HLTF: variants seen among roughly 807,000 people sequenced by gnomAD.
HLTF encodes helicase like transcription factor.
Under a neutral mutation model 129.4 loss-of-function variants are expected in HLTF, and 127 were observed. That is an observed-to-expected ratio of 0.98 (90% confidence interval 0.85 to 1.14). HLTF has a LOEUF of 1.14. Among genes scored for constraint, HLTF ranks in the 50% most tolerant of loss-of-function variants. The pLI, the probability that HLTF is intolerant of heterozygous loss-of-function variation, is 0.00. For synonymous variants in HLTF, 332 were observed against 388.8 expected (o/e 0.85, Z 1.72); for missense variants, 1,139 against 1,187.1 (o/e 0.96, Z 0.60).
chr3:149,065,752 C>T (rs992914597), intron 8 of HLTF, among the ~76,000 whole-genome samples: 1 of 152,126 alleles, frequency 6.6e-6, no homozygotes, highest in Non-Finnish European at 1.5e-5. Flanking sequence ...ATTGCTTGAA[C>T]TGAGGAGGTG....
intron 14 of HLTF, chr3:149,051,953 A>T (rs1717035212): frequency 6.6e-6 from 1 of 152,176 alleles, no homozygotes; most frequent in Admixed American, 6.6e-5. Flanking sequence ...CAGGAGTTCG[A>T]GACCAGCCTG....
At chr3:149,083,418 T>C (rs1191369822) in intron 2 of HLTF, among the ~76,000 whole-genome samples, 1 of 152,146 alleles carries the variant, frequency 6.6e-6, no homozygotes, top group African/African-American at 2.4e-5. Context: ...ACCGAAGTCA[T>C]AGAGATTATT....
intron 12 of HLTF, 45 bp from the exon 13 acceptor site, chr3:149,059,852 C>A: frequency 8.1e-7 from 1 of 1,234,264 alleles, no homozygotes. Context: ...AAATTATCTC[C>A]TGTGCTAGAG....
chr3:149,085,373 C>T (rs1720271356), intron 1 of HLTF, among the ~76,000 whole-genome samples: 1 of 152,126 alleles, frequency 6.6e-6, no homozygotes, highest in African/African-American at 2.4e-5. Context: ...TATGTAATCC[C>T]AGCTACTCGG....
chr3:149,074,667 G>A (rs1719188166), intron 3 of HLTF, among the ~76,000 whole-genome samples: 2 of 152,056 alleles, frequency 1.3e-5, no homozygotes, highest in Non-Finnish European at 1.5e-5. Context: ...TTTGGCTAAC[G>A]GAACCACTGA....
rs771103987 is a variant in HLTF, at chr3:149,055,418, T to A, written c.1376-18A>T. On this transcript the variant is annotated intron_variant, in intron 13 of 24. Coordinates refer to ENST00000310053, the MANE Select transcript of HLTF (RefSeq NM_003071.4). ...ACAAGCTCCTAAAAAAATGAACCAC[T>A]GATAGAACCTTTAGCTGTTTTTCTG... The A allele has an allele frequency of 7.2e-6, 11 of 1,536,366 alleles. No individual in the cohort carries two copies. The highest frequency in any genetic ancestry group is 3.4e-5 in the Admixed American group (2 of 59,506).
Position 149,060,701 on chromosome 3 carries a change from A to G in HLTF, c.1241-14T>C. The G allele has an allele frequency of 1.2e-6, 2 of 1,612,884 alleles. No homozygotes were observed. Among genetic ancestry groups the G allele is most frequent in the Non-Finnish European group, 1.7e-6 (2 of 1,179,190 alleles). Reference sequence around the variant, plus strand: ...TTTTCAGTTTGCCTAAAAATAAAACAAAAATAAACATAAAAATGGGCAAAA... The same window carrying G: ...TTTTCAGTTTGCCTAAAAATAAAACGAAAATAAACATAAAAATGGGCAAAA... On this transcript the variant is annotated splice_polypyrimidine_tract_variant and intron_variant, in intron 11 of 24. Coordinates refer to ENST00000310053, the MANE Select transcript of HLTF (RefSeq NM_003071.4).
chr3:149,077,592 CT>C (rs1307857215), intron 2 of HLTF, among the ~76,000 whole-genome samples: 1 of 151,040 alleles, frequency 6.6e-6, no homozygotes, highest in African/African-American at 2.4e-5. Context: ...TAAAGAAGAG[CT>C]AGGGAATGAG....
In HLTF at chr3:149,060,688, C is replaced by T; in HGVS notation, c.1241-1G>A. 2 of 1,612,932 alleles carry T rather than the reference C, an allele frequency of 1.2e-6. No homozygotes were observed. Among genetic ancestry groups the T allele is most frequent in the Non-Finnish European group, 1.7e-6 (2 of 1,179,388 alleles). ...TCAGACTGTACATTTTTCAGTTTGC[C>T]TAAAAATAAAACAAAAATAAACATA... On this transcript the variant is annotated splice_acceptor_variant, in intron 11 of 24. Transcript: ENST00000310053. LOFTEE classifies it high-confidence loss of function.
At chr3:149,035,053 G>C (rs2107945627) in intron 23 of HLTF, 55 bp from the exon 24 acceptor site, 3 of 1,281,136 alleles carry the variant, frequency 2.3e-6, no homozygotes, top group Middle Eastern at 1.9e-4. Context: ...TCAGTGTTTT[G>C]CATTTGTCCT....
intron 13 of HLTF, among the ~76,000 whole-genome samples, chr3:149,057,305 A>G (rs1717546483): frequency 6.6e-6 from 1 of 151,870 alleles, no homozygotes; most frequent in South Asian, 2.1e-4. Flanking sequence ...AGGCGCCTGT[A>G]GTCTCAGCTA....
chr3:149,048,730 GATTAA>G (rs1716749148), intron 16 of HLTF, 128 bp downstream of exon 16: 2 of 648,808 alleles, frequency 3.1e-6, no homozygotes, highest in African/African-American at 1.8e-5. Flanking sequence ...CAAAACATTT[GATTAA>G]ATTATTTATA....
chr3:149,045,775 C>T (rs908396847), intron 18 of HLTF, among the ~76,000 whole-genome samples: 8 of 152,184 alleles, frequency 5.3e-5, no homozygotes, highest in African/African-American at 1.9e-4. Flanking sequence ...TTCATCAGTT[C>T]CTATTTCCAG....
In HLTF at chr3:149,034,764, A is replaced by G. The variant is rs185993156; in HGVS notation, c.2877+154T>C. ...AGGTGCAGAGAAAGGCCCCTTAAAC[A>G]GCATATATTAAATTATTGATGAAGG... On this transcript the variant is annotated intron_variant, in intron 24 of 24. Transcript: ENST00000310053. Among the ~76,000 whole-genome samples, 756 of 152,334 alleles carry G rather than the reference A, an allele frequency of 5.0e-3. 7 individuals carry two copies. Among genetic ancestry groups the G allele is most frequent in the African/African-American group, 0.018 (734 of 41,564 alleles).
intron 23 of HLTF, among the ~76,000 whole-genome samples, chr3:149,035,275 G>T (rs564411407): frequency 1.4e-4 from 21 of 146,898 alleles, no homozygotes; most frequent in South Asian, 4.3e-4. Flanking sequence ...AATCAATTTG[G>T]TTTTTTTTTT....
chr3:149,065,066 C>CA (rs367993357), intron 8 of HLTF, among the ~76,000 whole-genome samples, 200 bp from the exon 9 acceptor site: 5,284 of 137,858 alleles, frequency 0.038, 141 homozygotes, highest in African/African-American at 0.072. Flanking sequence ...CGGGTTATCT[C>CA]AAAAAAAAAA....
chr3:149,078,939 G>A (rs996133902), intron 2 of HLTF, among the ~76,000 whole-genome samples: 1 of 151,764 alleles, frequency 6.6e-6, no homozygotes, highest in Admixed American at 6.6e-5. Context: ...GCATGGAGAC[G>A]ATGTCTCACC....
At chr3:149,048,233 T>C (rs1716714785) in intron 16 of HLTF, 70 bp from the exon 17 acceptor site, 2 of 1,273,658 alleles carry the variant, frequency 1.6e-6, no homozygotes, top group Non-Finnish European at 2.2e-6. Flanking sequence ...TTTGGCCCAA[T>C]CAGAGAAGAC....
rs186137659 is a variant in HLTF, at chr3:149,057,371, C to T, written c.1376-1971G>A. On this transcript the variant is annotated intron_variant, in intron 13 of 24. Coordinates refer to ENST00000310053, the MANE Select transcript of HLTF (RefSeq NM_003071.4). ...AACCCATGAGGTGGAGGTTGCAGTG[C>T]GCCGTGATCGCACCACTGCACTCTA... Among the ~76,000 whole-genome samples, 240 of 150,836 alleles carry T rather than the reference C, an allele frequency of 1.6e-3. 1 individual carries two copies. Among genetic ancestry groups the T allele is most frequent in the African/African-American group, 5.3e-3 (218 of 41,084 alleles).
Sources: gnomAD v4.1 joint callset for allele counts (sites outside exome capture counted in the v4.1 genomes callset) on GRCh38, gnomAD v4.1.1 for gene constraint, MANE v1.5 for transcripts, NCBI Gene and HGNC (gene_info 2026-07-23, HGNC 2026-07-21) for gene names.